The following TDP2 variants were observed in gnomAD, a reference collection of about 807,000 sequenced individuals.
The protein encoded by TDP2 is 5'-Tyr-DNA phosphodiesterase.
TDP2 carries 38 observed loss-of-function variants against 42.8 expected under a neutral mutation model. The observed-to-expected ratio is 0.89, with a 90% CI of 0.68 to 1.16. The LOEUF (loss-of-function observed/expected upper bound fraction) is 1.16. Among genes scored for constraint, TDP2 ranks in the 50% most tolerant of loss-of-function variants. The pLI is 0.00. For missense variants in TDP2, 439 were observed against 439.3 expected (o/e 1.00, Z 0.01); for synonymous variants, 173 against 150.6 (o/e 1.15, Z -1.09).
intron 6 of TDP2, among the ~76,000 whole-genome samples, chr6:24,652,645 T>C (rs1393253014): frequency 2.0e-5 from 3 of 150,748 alleles, no homozygotes; most frequent in Non-Finnish European, 4.4e-5. Flanking sequence ...TGTTCTCATA[T>C]TGCACCTAGG....
In TDP2 at chr6:24,658,589, C is replaced by T. The variant is rs747139051; in HGVS notation, c.397G>A (p.Ala133Thr). The T allele has an allele frequency of 4.7e-5, 75 of 1,612,616 alleles. No individual in the cohort carries two copies. The highest frequency in any genetic ancestry group is 5.9e-5 in the Non-Finnish European group (69 of 1,179,360). The change falls in exon 3 of 7, where the codon GCT becomes ACT. Residue 133 changes from alanine (A) to threonine (T), a missense_variant. Ala to Thr is a moderately conservative substitution (Grantham distance 58). Transcript: ENST00000378198. ...GLDLNNLSER[A>T]RGVCSYLALY... ...GCTAAGTAGGAACACACCCCTCGAG[C>T]CCTCTCTGACAGATTGTTTAGATCT...
In TDP2 at chr6:24,657,834, T is replaced by C. The variant is rs1332501898; in HGVS notation, c.495A>G (p.Ser165=). Residue 165 remains serine, a synonymous_variant, in exon 4 of 7, where the codon TCA becomes TCG. Coordinates refer to ENST00000378198, the MANE Select transcript of TDP2 (RefSeq NM_016614.3). ...PPYYSYLKKR[S]SNYEIITGHE... is the part of the protein sequence containing the mutation. ...TACCTGTAATAATCTCATAATTACT[T>C]GATCTCTTCTTTAGGTAGCTATAAT... 5.7e-6 allele frequency: 9 copies of C among 1,573,306 alleles called. No homozygotes were observed. Among genetic ancestry groups the C allele is most frequent in the South Asian group, 1.2e-5 (1 of 86,894 alleles).
At chr6:24,657,723 C>A in intron 4 of TDP2, 89 bp downstream of exon 4, 1 of 622,570 alleles carries the variant, frequency 1.6e-6, no homozygotes, top group Non-Finnish European at 2.7e-6. Flanking sequence ...GCTTTTTCCT[C>A]TCTATGTCCC....
At chr6:24,651,656 G>A (rs17249966) in intron 6 of TDP2, among the ~76,000 whole-genome samples, 43 of 145,760 alleles carry the variant, frequency 3.0e-4, no homozygotes, top group African/African-American at 8.9e-4. Flanking sequence ...GTGCAATCTC[G>A]GTTCACTGCA....
chr6:24,655,296 A>G (rs1290214570), intron 4 of TDP2, among the ~76,000 whole-genome samples: 3 of 152,372 alleles, frequency 2.0e-5, no homozygotes, highest in Admixed American at 6.5e-5. Flanking sequence ...AAAGCTTCCA[A>G]CAGTTTTTCA....
intron 4 of TDP2, among the ~76,000 whole-genome samples, chr6:24,656,943 A>G (rs1457113793): frequency 6.6e-6 from 1 of 152,208 alleles, no homozygotes; most frequent in Non-Finnish European, 1.5e-5. Context: ...GAGAATACAA[A>G]ATAGTTCCAT....
rs1349513596 is a variant in TDP2, at chr6:24,651,088, C to G, written c.808-19G>C. ...TGGTAACCTGAAAAGAAGAAGAATA[C>G]TCTCTAAGATACACATAGCCTTTTG... On this transcript the variant is annotated intron_variant, in intron 6 of 6. Coordinates refer to ENST00000378198, the MANE Select transcript of TDP2 (RefSeq NM_016614.3). 6.3e-7 allele frequency: 1 copy of G among 1,575,034 alleles called. No homozygotes were observed. The highest frequency in any genetic ancestry group is 8.7e-7 in the Non-Finnish European group (1 of 1,152,814).
At chr6:24,658,168 A>G (rs1489899471) in intron 3 of TDP2, among the ~76,000 whole-genome samples, 1 of 152,234 alleles carries the variant, frequency 6.6e-6, no homozygotes, top group Non-Finnish European at 1.5e-5. Context: ...GGTCCTACAC[A>G]CTAAGAGATG....
chr6:24,666,144 G>C (rs1417146276), intron 2 of TDP2: 1 of 1,550,278 alleles, frequency 6.5e-7, no homozygotes, highest in Admixed American at 2.0e-5. Flanking sequence ...GTCAGCCTAG[G>C]GCCTAGAATA....
intron 3 of TDP2, among the ~76,000 whole-genome samples, chr6:24,658,300 T>C (rs1448915489): frequency 6.6e-6 from 1 of 152,176 alleles, no homozygotes; most frequent in Non-Finnish European, 1.5e-5. Flanking sequence ...ATAGATCTTT[T>C]TGGTAGTTTT....
At position 24,650,740 on chromosome 6, in the gene TDP2, A is replaced by C. The variant is rs753098097; in HGVS notation, c.*48T>G. On this transcript the variant is annotated 3_prime_UTR_variant, in exon 7 of 7. Coordinates refer to ENST00000378198, the MANE Select transcript of TDP2 (RefSeq NM_016614.3). ...GCAAACCTACCTTTCCAGAAGGTGG[A>C]AATTGTATTTGCAACAATCAGGGCA... The C allele has an allele frequency of 1.3e-6, 2 of 1,582,490 alleles. No homozygotes were observed. The highest frequency in any genetic ancestry group is 2.7e-5 in the African/African-American group (2 of 73,762).
chr6:24,656,155 AT>A (rs1257552619), intron 4 of TDP2, among the ~76,000 whole-genome samples: 1 of 152,176 alleles, frequency 6.6e-6, no homozygotes, highest in African/African-American at 2.4e-5. Flanking sequence ...AACAAAAAAG[AT>A]ACTGTATCCA....
rs752212750 is a variant in TDP2, at chr6:24,666,851, C to T, written c.12G>A (p.Gly4=). 2.5e-6 allele frequency: 4 copies of T among 1,613,892 alleles called. No individual in the cohort carries two copies. Among genetic ancestry groups the T allele is most frequent in the Non-Finnish European group, 2.5e-6 (3 of 1,180,030 alleles). Residue 4 remains glycine, a synonymous_variant, in exon 1 of 7, where the codon GGG becomes GGA. Transcript: ENST00000378198. The stretch of plus-strand genomic sequence containing the variant: ...CCTCCCTCCCGCCCTCCAGGCAACT[C>T]CCCAACTCCATCTTCCTGCCGCCTC... The part of the protein sequence containing the change: MEL[G]SCLEGGREAA...
intron 2 of TDP2, among the ~76,000 whole-genome samples, chr6:24,663,132 G>A (rs533066188): frequency 6.6e-6 from 1 of 152,282 alleles, no homozygotes; most frequent in South Asian, 2.1e-4. Flanking sequence ...GCATGATGGT[G>A]TCATTAATCA....
At chr6:24,657,743 A>C in intron 4 of TDP2, 69 bp downstream of exon 4, 1 of 898,764 alleles carries the variant, frequency 1.1e-6, no homozygotes, top group African/African-American at 1.7e-5. Flanking sequence ...CAATAGACCA[A>C]CTTTGATTTA....
intron 2 of TDP2, among the ~76,000 whole-genome samples, chr6:24,662,574 C>T (rs777715983): frequency 3.3e-5 from 5 of 151,428 alleles, no homozygotes; most frequent in Middle Eastern, 3.4e-3. Flanking sequence ...ACCCTCTAGT[C>T]CTGTCGCATC....
At chr6:24,661,513 GTCA>G (rs1381370165) in intron 2 of TDP2, among the ~76,000 whole-genome samples, 1 of 152,102 alleles carries the variant, frequency 6.6e-6, no homozygotes, top group Non-Finnish European at 1.5e-5. Context: ...TCTGGAATCA[GTCA>G]TTTCTTTTTA....
chr6:24,666,543 G>C lies in TDP2; in HGVS notation c.234C>G (p.Ile78Met), dbSNP rs779231725. 8.7e-6 allele frequency: 14 copies of C among 1,613,982 alleles called. No homozygotes were observed. Among genetic ancestry groups the C allele is most frequent in the Non-Finnish European group, 1.1e-5 (13 of 1,179,942 alleles). The change falls in exon 2 of 7, where the codon ATC becomes ATG. Residue 78 changes from isoleucine to methionine, a missense_variant. Ile to Met is a conservative substitution (Grantham distance 10, BLOSUM62 1). Transcript: ENST00000378198. Reference sequence around the variant, plus strand: ...TCACTTACTAGGTCTTGGGCTCAGAGATGGTTTCAGGTCGGCGTTCCAAGG... The same window carrying C: ...TCACTTACTAGGTCTTGGGCTCAGACATGGTTTCAGGTCGGCGTTCCAAGG... ...ESALERRPET[I>M]SEPKTYVDLT...
At chr6:24,664,349 C>G (rs1248736159) in intron 2 of TDP2, among the ~76,000 whole-genome samples, 1 of 148,068 alleles carries the variant, frequency 6.8e-6, no homozygotes, top group Non-Finnish European at 1.5e-5. Flanking sequence ...AAAAAAAAGC[C>G]AATAAGGAAT....
Sources: allele counts gnomAD v4.1 joint callset (sites outside exome capture counted in the v4.1 genomes callset), GRCh38; gene constraint gnomAD v4.1.1; transcripts MANE v1.5; gene names NCBI Gene and HGNC (gene_info 2026-07-23, HGNC 2026-07-21).